The following DGKG variants were observed in gnomAD, a reference collection of about 807,000 sequenced individuals.
The protein encoded by DGKG is diacylglycerol kinase gamma, also known as DAG kinase gamma.
A neutral mutation model predicts 105.3 loss-of-function variants in DGKG; 78 were observed. The observed-to-expected ratio is 0.74, with a 90% CI of 0.62 to 0.89. The LOEUF is 0.89. DGKG is among the 40% of genes least tolerant of loss of function. The probability of loss-of-function intolerance (pLI) is 0.00; values close to 1 mark genes in which losing one functional copy is unlikely to be tolerated. For synonymous variants in DGKG, 346 were observed against 367.1 expected, an observed-to-expected ratio of 0.94 and a Z score of 0.66; for missense variants, 958 against 1,020.1, an observed-to-expected ratio of 0.94 and a Z score of 0.83.
intron 1 of DGKG, among the ~76,000 whole-genome samples, chr3:186,348,262 C>T (rs1055903726): frequency 6.6e-6 from 1 of 151,818 alleles, no homozygotes; most frequent in Non-Finnish European, 1.5e-5. Flanking sequence ...TTTGATATCA[C>T]ATCTTTTCCA....
In DGKG at chr3:186,268,860, T is replaced by C; in HGVS notation, c.1057A>G (p.Lys353Glu). The C allele has an allele frequency of 6.2e-7, 1 of 1,614,108 alleles. No homozygotes were observed. The highest frequency in any genetic ancestry group is 1.3e-5 in the African/African-American group (1 of 75,054). Residue 353 changes from lysine to glutamate, a missense_variant, in exon 12 of 25, where the codon AAA becomes GAA. Transcript: ENST00000265022. Reference protein sequence around the residue: ...NSSVKCDRCHKSIKCYQSVTA... With the variant: ...NSSVKCDRCHESIKCYQSVTA... ...ACACTCTGGTAGCACTTGATACTTT[T>C]GTGGCACCGGTCACACTTGACGGAG...
chr3:186,270,804 G>A (rs1019143055), intron 11 of DGKG, among the ~76,000 whole-genome samples: 1 of 152,206 alleles, frequency 6.6e-6, no homozygotes, highest in African/African-American at 2.4e-5. Flanking sequence ...ATTCTCTTTG[G>A]GATCTGAGGA....
chr3:186,232,983 T>C (rs1720226647), intron 20 of DGKG, among the ~76,000 whole-genome samples: 1 of 152,198 alleles, frequency 6.6e-6, no homozygotes, highest in Non-Finnish European at 1.5e-5. Context: ...ATAGACACTT[T>C]AAATGCATTG....
intron 1 of DGKG, among the ~76,000 whole-genome samples, chr3:186,350,046 G>C (rs1726552322): frequency 6.6e-6 from 1 of 152,016 alleles, no homozygotes; most frequent in African/African-American, 2.4e-5. Flanking sequence ...ACCATGCCTG[G>C]CTAATTTTTG....
intron 1 of DGKG, among the ~76,000 whole-genome samples, chr3:186,353,633 T>A (rs1280217463): frequency 7.3e-6 from 1 of 137,678 alleles, no homozygotes; most frequent in Non-Finnish European, 1.5e-5. Flanking sequence ...TCTATCTATA[T>A]CTATATCTAT....
chr3:186,247,543 T>C (rs1040138425), intron 19 of DGKG, among the ~76,000 whole-genome samples: 6 of 152,216 alleles, frequency 3.9e-5, no homozygotes, highest in African/African-American at 1.4e-4. Context: ...CTACTTCTCT[T>C]ACAAAGTTTG....
intron 21 of DGKG, among the ~76,000 whole-genome samples, chr3:186,208,322 G>A (rs531243572): frequency 1.3e-5 from 2 of 152,020 alleles, no homozygotes; most frequent in Admixed American, 6.6e-5. Context: ...GATTACAAGC[G>A]TGAGCCACCG....
intron 2 of DGKG, among the ~76,000 whole-genome samples, chr3:186,313,039 G>C (rs1288298488): frequency 6.6e-6 from 1 of 152,276 alleles, no homozygotes; most frequent in Non-Finnish European, 1.5e-5. Context: ...AAGGGATTGA[G>C]CTGGTCACAC....
intron 9 of DGKG, among the ~76,000 whole-genome samples, chr3:186,276,372 T>A (rs940324573): frequency 6.6e-6 from 1 of 152,208 alleles, no homozygotes; most frequent in Non-Finnish European, 1.5e-5. Flanking sequence ...TGGGAAGTAA[T>A]TTCATTAACC....
intron 21 of DGKG, among the ~76,000 whole-genome samples, chr3:186,197,736 T>C (rs990056959): frequency 6.6e-6 from 1 of 152,174 alleles, no homozygotes; most frequent in Non-Finnish European, 1.5e-5. Flanking sequence ...ATGTCAGTTA[T>C]AGTAGCCTGA....
At chr3:186,263,573 ACAAGCAAGCAAG>A (rs60417496) in intron 14 of DGKG, among the ~76,000 whole-genome samples, 8 of 151,152 alleles carry the variant, frequency 5.3e-5, no homozygotes, top group East Asian at 3.9e-4. Context: ...ATCTCAAAAA[ACAAGCAAGCAAG>A]CAAGCAAGCA....
intron 20 of DGKG, among the ~76,000 whole-genome samples, chr3:186,221,994 G>A (rs1327097473): frequency 1.3e-5 from 2 of 152,204 alleles, no homozygotes; most frequent in African/African-American, 4.8e-5. Context: ...ATGCACCCAA[G>A]GGTCGCGCTC....
intron 1 of DGKG, among the ~76,000 whole-genome samples, chr3:186,332,815 G>A (rs1725662282): frequency 1.3e-5 from 2 of 152,026 alleles, no homozygotes; most frequent in South Asian, 4.2e-4. Flanking sequence ...AGAGGTAATT[G>A]GGTCCTGAGG....
chr3:186,264,038 G>A (rs899119154), intron 14 of DGKG, among the ~76,000 whole-genome samples: 3 of 152,208 alleles, frequency 2.0e-5, no homozygotes, highest in African/African-American at 7.2e-5. Flanking sequence ...CTCTGGAGAT[G>A]ATATTCAACG....
In DGKG at chr3:186,157,999, G is replaced by A. The variant is rs141022760; in HGVS notation, c.2277+3604C>T. 649 of 207,616 alleles carry A rather than the reference G, an allele frequency of 3.1e-3. 6 individuals are homozygous for A. Among genetic ancestry groups the A allele is most frequent in the African/African-American group, 0.015 (616 of 42,474 alleles). 12.9% of individuals were successfully genotyped at this position (207,616 alleles called of 1,614,324 possible). Reference sequence around the variant, plus strand: ...ATTATAAGCATGAGCCACCACGCCCGGCCTTGTTTTATATTTAAATAAAGC... The same window carrying A: ...ATTATAAGCATGAGCCACCACGCCCAGCCTTGTTTTATATTTAAATAAAGC... On this transcript the variant is annotated intron_variant, in intron 24 of 24. Coordinates refer to ENST00000265022, the MANE Select transcript of DGKG (RefSeq NM_001346.3).
chr3:186,212,996 T>C (rs1719107413), intron 20 of DGKG, among the ~76,000 whole-genome samples: 1 of 152,218 alleles, frequency 6.6e-6, no homozygotes, highest in Non-Finnish European at 1.5e-5. Context: ...TTGTAGCAGA[T>C]GACTCTCCAG....
intron 16 of DGKG, among the ~76,000 whole-genome samples, chr3:186,258,455 G>C (rs1344057477): frequency 2.0e-5 from 3 of 151,982 alleles, no homozygotes; most frequent in South Asian, 2.1e-4. Flanking sequence ...AACCTCCAAG[G>C]GTTCTATGGA....
intron 6 of DGKG, among the ~76,000 whole-genome samples, chr3:186,285,436 G>C (rs887693343): frequency 6.6e-6 from 1 of 152,064 alleles, no homozygotes; most frequent in African/African-American, 2.4e-5. Context: ...TTTTTCTAAA[G>C]GTATTCGGAA....
chr3:186,323,561 A>C (rs1725181673), intron 1 of DGKG, among the ~76,000 whole-genome samples: 1 of 152,210 alleles, frequency 6.6e-6, no homozygotes, highest in Non-Finnish European at 1.5e-5. Context: ...TAGGAGGCTA[A>C]GATGGGCGGA....
Sources: allele counts gnomAD v4.1 joint callset (sites outside exome capture counted in the v4.1 genomes callset), GRCh38; gene constraint gnomAD v4.1.1; transcripts MANE v1.5; gene names NCBI Gene and HGNC (gene_info 2026-07-23, HGNC 2026-07-21).